ZMAT4: variants seen among roughly 807,000 people sequenced by gnomAD.
ZMAT4 encodes the protein zinc finger matrin-type protein 4.
A neutral mutation model predicts 28.7 loss-of-function variants in ZMAT4; 17 were observed. That is an observed-to-expected ratio of 0.59 (90% confidence interval 0.41 to 0.89). ZMAT4 has a LOEUF of 0.89. ZMAT4 is among the 40% of genes least tolerant of loss of function. The probability of loss-of-function intolerance (pLI) is 0.00; values close to 1 mark genes in which losing one functional copy is unlikely to be tolerated. For missense variants in ZMAT4, 240 were observed against 283.8 expected (o/e 0.85, Z 1.11); for synonymous variants, 117 against 109.2 (o/e 1.07, Z -0.44).
intron 5 of ZMAT4, among the ~76,000 whole-genome samples, chr8:40,658,209 C>T (rs752158623): frequency 9.2e-5 from 14 of 152,070 alleles, no homozygotes; most frequent in Admixed American, 3.3e-4. Context: ...TTTAAATCCT[C>T]GCATTCTATT....
intron 3 of ZMAT4, among the ~76,000 whole-genome samples, chr8:40,734,450 G>T (rs4407867): frequency 0.23 from 34,465 of 152,176 alleles, 4,455 homozygotes; most frequent in East Asian, 0.56. Context: ...AAGTCTGGAA[G>T]ATTTGGGTGT....
At chr8:40,768,342 T>C (rs953469699) in intron 2 of ZMAT4, among the ~76,000 whole-genome samples, 3 of 152,202 alleles carry the variant, frequency 2.0e-5, no homozygotes, top group African/African-American at 7.2e-5. Context: ...AAAGACTCAT[T>C]TTCTTTGGAA....
At chr8:40,784,557 TC>T (rs1813983714) in intron 2 of ZMAT4, among the ~76,000 whole-genome samples, 1 of 152,140 alleles carries the variant, frequency 6.6e-6, no homozygotes, top group South Asian at 2.1e-4. Flanking sequence ...GCACTGGAGT[TC>T]CCTGCCAAGA....
intron 3 of ZMAT4, among the ~76,000 whole-genome samples, chr8:40,750,860 C>A (rs753124214): frequency 2.0e-5 from 3 of 152,168 alleles, no homozygotes; most frequent in Admixed American, 1.3e-4. Flanking sequence ...AGTTAGAGAG[C>A]GATTGTGATA....
chr8:40,891,499 C>T (rs1818686275), intron 1 of ZMAT4, among the ~76,000 whole-genome samples: 2 of 152,024 alleles, frequency 1.3e-5, no homozygotes, highest in Non-Finnish European at 2.9e-5. Context: ...CAAGCTTGAG[C>T]CTGTCTCACA....
chr8:40,574,651 G>A (rs1804203876), intron 6 of ZMAT4, among the ~76,000 whole-genome samples: 1 of 152,168 alleles, frequency 6.6e-6, no homozygotes, highest in Non-Finnish European at 1.5e-5. Context: ...AAATCCTTGT[G>A]GAGCACAAAA....
intron 4 of ZMAT4, chr8:40,690,769 G>C: frequency 2.7e-6 from 1 of 365,274 alleles, no homozygotes; most frequent in Non-Finnish European, 3.8e-6. Context: ...TGTCTGGCAT[G>C]GAAATTTATG....
intron 6 of ZMAT4, among the ~76,000 whole-genome samples, chr8:40,574,355 A>G (rs914422374): frequency 2.0e-5 from 3 of 152,240 alleles, no homozygotes; most frequent in African/African-American, 7.2e-5. Flanking sequence ...TAAAATTTAT[A>G]TTTGTAAGTA....
chr8:40,847,296 A>T (rs1019372015), intron 1 of ZMAT4, among the ~76,000 whole-genome samples: 6 of 152,190 alleles, frequency 3.9e-5, no homozygotes, highest in African/African-American at 1.4e-4. Flanking sequence ...CCTCTAAAAA[A>T]TGCGTAGAGT....
At chr8:40,605,907 A>C (rs2599688) in intron 5 of ZMAT4, among the ~76,000 whole-genome samples, 116,935 of 152,144 alleles carry the variant, frequency 0.77, 45,122 homozygotes, top group East Asian at 0.97. Flanking sequence ...TTGGACTAGT[A>C]CTTTTATCAT....
chr8:40,757,025 C>T (rs537014817), intron 3 of ZMAT4, among the ~76,000 whole-genome samples: 10 of 152,206 alleles, frequency 6.6e-5, no homozygotes, highest in African/African-American at 1.7e-4. Flanking sequence ...TGTTTTGGAA[C>T]GCAGGGCAGC....
chr8:40,584,719 C>T lies in ZMAT4; in HGVS notation c.578-3458G>A, dbSNP rs559518188. 2.6e-5 allele frequency among the ~76,000 whole-genome samples: 4 copies of T among 152,154 alleles called. No individual in the cohort carries two copies. The South Asian group carries it at 6.2e-4, about 24-fold the overall frequency. ...CATGATGTCAGCTCACTGCAACCTC[C>T]GCCTCCCGAGTTCAAGCAATTCTCC... On this transcript the variant is annotated intron_variant, in intron 5 of 6. Coordinates refer to ENST00000297737, the MANE Select transcript of ZMAT4 (RefSeq NM_024645.3).
intron 2 of ZMAT4, among the ~76,000 whole-genome samples, chr8:40,774,809 A>G (rs1013097200): frequency 6.6e-6 from 1 of 152,286 alleles, no homozygotes; most frequent in South Asian, 2.1e-4. Flanking sequence ...CAAAAGGATT[A>G]GCATTGTTTA....
intron 4 of ZMAT4, among the ~76,000 whole-genome samples, chr8:40,681,563 G>C (rs1249067217): frequency 6.6e-6 from 1 of 152,158 alleles, no homozygotes; most frequent in Non-Finnish European, 1.5e-5. Flanking sequence ...CTTCAGGGAA[G>C]CACCTCACCT....
chr8:40,697,216 CT>C (rs755295067), intron 4 of ZMAT4, 28 bp downstream of exon 4: 1 of 1,544,884 alleles, frequency 6.5e-7, no homozygotes, highest in Non-Finnish European at 8.7e-7. Flanking sequence ...TTTTCAGGGT[CT>C]CCCCACGATC....
At chr8:40,733,844 C>A (rs1047664391) in intron 3 of ZMAT4, among the ~76,000 whole-genome samples, 3 of 152,032 alleles carry the variant, frequency 2.0e-5, no homozygotes, top group African/African-American at 7.2e-5. Context: ...GCCATGAATC[C>A]CCATGGTATT....
intron 6 of ZMAT4, among the ~76,000 whole-genome samples, chr8:40,571,480 A>T (rs1176839712): frequency 6.6e-6 from 1 of 152,136 alleles, no homozygotes; most frequent in Non-Finnish European, 1.5e-5. Context: ...GGCTCTTAAC[A>T]ATAGTGGATT....
intron 6 of ZMAT4, among the ~76,000 whole-genome samples, chr8:40,560,569 T>C (rs1803703626): frequency 6.6e-6 from 1 of 151,952 alleles, no homozygotes; most frequent in Admixed American, 6.6e-5. Flanking sequence ...CACTTGTGTC[T>C]TGTGTCACTT....
At chr8:40,611,908 A>C (rs761882543) in intron 5 of ZMAT4, among the ~76,000 whole-genome samples, 1 of 152,240 alleles carries the variant, frequency 6.6e-6, no homozygotes, top group Non-Finnish European at 1.5e-5. Context: ...TGAAAGATTT[A>C]GGGTCTGGAA....
Sources: gnomAD v4.1 joint callset for allele counts (sites outside exome capture counted in the v4.1 genomes callset) on GRCh38, gnomAD v4.1.1 for gene constraint, MANE v1.5 for transcripts, NCBI Gene and HGNC (gene_info 2026-07-23, HGNC 2026-07-21) for gene names.